Variants in ADAMTSL1 observed in about 807,000 individuals in gnomAD.
The protein encoded by ADAMTSL1 is ADAMTS-like protein 1.
A neutral mutation model predicts 201.8 loss-of-function variants in ADAMTSL1; 126 were observed. The ratio of observed to expected loss-of-function variants is 0.62; its 90% CI spans 0.54 to 0.72. The LOEUF (loss-of-function observed/expected upper bound fraction) is 0.72. ADAMTSL1 is among the 30% of genes least tolerant of loss of function. ADAMTSL1 has a pLI of 0.00. For missense variants in ADAMTSL1, 2,679 were observed against 2,277.8 expected, an observed-to-expected ratio of 1.18 and a Z score of -3.59; for synonymous variants, 1,121 against 903.4, an observed-to-expected ratio of 1.24 and a Z score of -4.32.
intron 1 of ADAMTSL1, among the ~76,000 whole-genome samples, chr9:18,475,560 T>C (rs1821406208): frequency 6.6e-6 from 1 of 152,170 alleles, no homozygotes; most frequent in African/African-American, 2.4e-5. Context: ...TCATAGAAAT[T>C]TAAAGGTAAA....
chr9:18,846,616 GC>G (rs1432924342), intron 23 of ADAMTSL1, among the ~76,000 whole-genome samples: 1 of 152,168 alleles, frequency 6.6e-6, no homozygotes, highest in Non-Finnish European at 1.5e-5. Flanking sequence ...TGTCTAACTT[GC>G]GTTTTTAAAA....
chr9:18,481,892 G>T (rs1316096289), intron 1 of ADAMTSL1, among the ~76,000 whole-genome samples: 3 of 152,252 alleles, frequency 2.0e-5, no homozygotes, highest in East Asian at 3.9e-4. Context: ...CCAATGTCTA[G>T]AGAGTTTTCA....
intron 2 of ADAMTSL1, among the ~76,000 whole-genome samples, chr9:18,184,637 C>A (rs527942426): frequency 1.3e-5 from 2 of 152,294 alleles, no homozygotes; most frequent in East Asian, 3.9e-4. Context: ...TGAACATTAG[C>A]CAGAGATTCC....
Position 18,106,479 on chromosome 9 carries a change from C to T in ADAMTSL1, c.88-57383C>T, listed in dbSNP as rs542540401. On this transcript the variant is annotated intron_variant, in intron 1 of 29. Transcript: ENST00000680146. The stretch of plus-strand genomic sequence containing the variant: ...CAGGACAAGTTTCAACTCTGCTTAG[C>T]GCACATTTATTGTGTTAAGGAAAAA... Among the ~76,000 whole-genome samples, 6 of 152,258 alleles carry T rather than the reference C, an allele frequency of 3.9e-5. No individual in the cohort carries two copies. The South Asian group carries it at 6.2e-4, about 16-fold the overall frequency.
chr9:18,010,404 A>G (rs1186073855), intron 1 of ADAMTSL1, among the ~76,000 whole-genome samples: 3 of 152,046 alleles, frequency 2.0e-5, no homozygotes, highest in African/African-American at 7.2e-5. Context: ...GGGGAGAACT[A>G]TTTTATGGAA....
chr9:18,746,927 C>T (rs555232700), intron 15 of ADAMTSL1, among the ~76,000 whole-genome samples: 1 of 152,292 alleles, frequency 6.6e-6, no homozygotes, highest in East Asian at 1.9e-4. Context: ...CACACTCTGC[C>T]TTTGCCCATT....
intron 15 of ADAMTSL1, among the ~76,000 whole-genome samples, chr9:18,727,170 A>G (rs1817942876): frequency 6.6e-6 from 1 of 152,238 alleles, no homozygotes; most frequent in Admixed American, 6.5e-5. Flanking sequence ...GCCTTTTAAC[A>G]CAATCATATT....
At chr9:18,505,963 C>T (rs760712340) in intron 2 of ADAMTSL1, among the ~76,000 whole-genome samples, 3 of 152,086 alleles carry the variant, frequency 2.0e-5, no homozygotes, top group Non-Finnish European at 4.4e-5. Flanking sequence ...ATTAGAAGCC[C>T]GATAGATGGT....
intron 2 of ADAMTSL1, among the ~76,000 whole-genome samples, chr9:18,297,208 C>T (rs920521862): frequency 1.3e-5 from 2 of 152,086 alleles, no homozygotes; most frequent in African/African-American, 4.8e-5. Context: ...CTGCAGATTA[C>T]TGGGGATTGC....
chr9:18,712,839 C>A (rs1161506978), intron 14 of ADAMTSL1, among the ~76,000 whole-genome samples: 2 of 149,958 alleles, frequency 1.3e-5, no homozygotes, highest in African/African-American at 4.9e-5. Context: ...ATGTTAAGGG[C>A]AGCCAGAGAG....
chr9:18,288,769 C>T (rs921807228), intron 2 of ADAMTSL1, among the ~76,000 whole-genome samples: 7 of 152,258 alleles, frequency 4.6e-5, no homozygotes, highest in Non-Finnish European at 7.3e-5. Context: ...GTCTCTTCAG[C>T]CTGATGGCTG....
At chr9:18,195,765 T>G (rs964123514) in intron 2 of ADAMTSL1, among the ~76,000 whole-genome samples, 8 of 152,150 alleles carry the variant, frequency 5.3e-5, no homozygotes, top group Non-Finnish European at 8.8e-5. Flanking sequence ...AGTGTCACAC[T>G]TGAAAACTTG....
chr9:18,507,198 G>A (rs1053575626), intron 2 of ADAMTSL1, among the ~76,000 whole-genome samples: 1 of 152,160 alleles, frequency 6.6e-6, no homozygotes, highest in African/African-American at 2.4e-5. Flanking sequence ...CAACATAGAG[G>A]TTGATTTAGC....
At chr9:18,598,081 G>A (rs1724542583) in intron 4 of ADAMTSL1, among the ~76,000 whole-genome samples, 1 of 152,186 alleles carries the variant, frequency 6.6e-6, no homozygotes, top group South Asian at 2.1e-4. Context: ...AGGGAGAATG[G>A]CAAGCAATGA....
chr9:18,638,089 A>G (rs702204), intron 6 of ADAMTSL1, among the ~76,000 whole-genome samples: 15,792 of 151,950 alleles, frequency 0.1, 1,644 homozygotes, highest in African/African-American at 0.27. Flanking sequence ...TGTGCCCTGT[A>G]TTTTTCGGTG....
chr9:17,924,219 C>A (rs1448632609), intron 1 of ADAMTSL1, among the ~76,000 whole-genome samples: 4 of 151,926 alleles, frequency 2.6e-5, no homozygotes, highest in Admixed American at 6.6e-5. Context: ...CCTCCTTGTA[C>A]CTCTGGTAGA....
chr9:18,794,276 GT>G (rs1426914811), intron 19 of ADAMTSL1, among the ~76,000 whole-genome samples: 1 of 152,042 alleles, frequency 6.6e-6, no homozygotes, highest in Non-Finnish European at 1.5e-5. Flanking sequence ...GGGAATGGTA[GT>G]GCACCCCTGT....
Position 18,847,072 on chromosome 9 carries a change from A to C in ADAMTSL1, c.4249+17095A>C, listed in dbSNP as rs113903028. Among the ~76,000 whole-genome samples, 5 of 152,276 alleles carry C rather than the reference A, an allele frequency of 3.3e-5. 2 individuals are homozygous for C. The highest frequency in any genetic ancestry group is 1.2e-4 in the African/African-American group (5 of 41,546). ...AGTCCTGCTCATTTCCTTAACATCTACCTGCTCAGGCTTTATTAAATGCTA... is the reference window on the plus strand; with the variant it reads ...AGTCCTGCTCATTTCCTTAACATCTCCCTGCTCAGGCTTTATTAAATGCTA... On this transcript the variant is annotated intron_variant, in intron 23 of 28. Transcript: ENST00000380548.
chr9:18,773,219 A>G (rs1443209977), intron 17 of ADAMTSL1, among the ~76,000 whole-genome samples: 1 of 152,202 alleles, frequency 6.6e-6, no homozygotes, highest in Non-Finnish European at 1.5e-5. Flanking sequence ...TCCCATAGAG[A>G]CAGAATTAAG....
Sources: gnomAD v4.1 joint callset for allele counts (sites outside exome capture counted in the v4.1 genomes callset) on GRCh38, gnomAD v4.1.1 for gene constraint, MANE v1.5 for transcripts, NCBI Gene and HGNC (gene_info 2026-07-23, HGNC 2026-07-21) for gene names.